TRIM44: variants seen among roughly 807,000 people sequenced by gnomAD.
TRIM44 encodes tripartite motif containing 44, also known as tripartite motif-containing protein 44.
TRIM44 carries 13 observed loss-of-function variants against 37.4 expected under a neutral mutation model. That is an observed-to-expected ratio of 0.35 (90% CI 0.23 to 0.55). TRIM44 has a LOEUF of 0.55. Among genes scored for constraint, TRIM44 ranks in the 20% least tolerant of loss-of-function variants. The pLI is 0.89. For missense variants in TRIM44, 426 were observed against 437.2 expected (o/e 0.97, Z 0.23); for synonymous variants, 175 against 157.2 (o/e 1.11, Z -0.85).
At chr11:35,696,779 G>A (rs1183763025) in intron 2 of TRIM44, among the ~76,000 whole-genome samples, 5 of 151,468 alleles carry the variant, frequency 3.3e-5, no homozygotes, top group Admixed American at 2.0e-4. Context: ...CCCAGGAGGC[G>A]GAGGTTGCGG....
intron 2 of TRIM44, among the ~76,000 whole-genome samples, chr11:35,708,854 A>G (rs943205404): frequency 5.3e-5 from 8 of 152,094 alleles, no homozygotes; most frequent in Non-Finnish European, 1.0e-4. Flanking sequence ...TGGCACATGT[A>G]TACAACTGTA....
intron 4 of TRIM44, among the ~76,000 whole-genome samples, chr11:35,739,248 T>G (rs189483548): frequency 1.3e-5 from 2 of 152,330 alleles, no homozygotes; most frequent in Non-Finnish European, 2.9e-5. Context: ...AACCTCATGA[T>G]ATAGTTATTA....
In TRIM44 at chr11:35,663,157, G is replaced by A; in HGVS notation, c.46G>A (p.Gly16Ser). 2 of 1,552,802 alleles carry A rather than the reference G, an allele frequency of 1.3e-6. No homozygotes were observed. Among genetic ancestry groups the A allele is most frequent in the Non-Finnish European group, 1.7e-6 (2 of 1,150,052 alleles). The change falls in exon 1 of 5, where the codon GGC becomes AGC. Residue 16 changes from glycine (G) to serine (S), a missense_variant. By Grantham distance (56) the Gly-to-Ser change is moderately conservative. Around this residue, in one of 2 missense-constraint regions of TRIM44, gnomAD observed 331 missense variants for 303.0 expected, o/e 1.09. Transcript: ENST00000299413. Reference protein sequence around the residue: ...GAAFEELPHDGTCDECEPDEA... With the variant: ...GAAFEELPHDSTCDECEPDEA... ...GGCCTTCGAGGAACTGCCTCACGAC[G>A]GCACGTGTGACGAGTGCGAGCCCGA...
intron 3 of TRIM44, among the ~76,000 whole-genome samples, chr11:35,730,284 A>C (rs561173557): frequency 6.6e-6 from 1 of 152,244 alleles, no homozygotes; most frequent in Non-Finnish European, 1.5e-5. Flanking sequence ...ATAGATTGAT[A>C]CTGATCCAAT....
chr11:35,798,256 T>C (rs1448669298), intron 4 of TRIM44, among the ~76,000 whole-genome samples: 1 of 152,124 alleles, frequency 6.6e-6, no homozygotes, highest in Non-Finnish European at 1.5e-5. Context: ...AGGGATGACT[T>C]TGTTGTCTGT....
intron 4 of TRIM44, among the ~76,000 whole-genome samples, chr11:35,776,119 G>C (rs886169975): frequency 2.0e-5 from 3 of 152,046 alleles, no homozygotes; most frequent in Non-Finnish European, 4.4e-5. Context: ...TTGGTTGGTA[G>C]GCTCTTAATT....
Position 35,663,534 on chromosome 11 carries a change from C to G in TRIM44, c.423C>G (p.Ala141=). ...TGGAGGATGAGCAAGAAAGCGAGGC[C>G]GAAGAAGACAACCAAGAAGAAGGGG... The part of the protein sequence containing the change: ...EEMEDEQESE[A]EEDNQEEGES... The change falls in exon 1 of 5, where the codon GCC becomes GCG. Residue 141 remains alanine (A), a synonymous_variant. Coordinates refer to ENST00000299413, the MANE Select transcript of TRIM44 (RefSeq NM_017583.6). The G allele has an allele frequency of 1.2e-6, 2 of 1,609,220 alleles. No individual in the cohort carries two copies. The highest frequency in any genetic ancestry group is 1.7e-6 in the Non-Finnish European group (2 of 1,177,646).
Position 35,808,856 on chromosome 11 carries a change from A to G in TRIM44, c.*2471A>G, listed in dbSNP as rs1403860921. On this transcript the variant is annotated 3_prime_UTR_variant, in exon 5 of 5. Transcript: ENST00000299413. The stretch of plus-strand genomic sequence containing the variant: ...CACTACCTTCCCCTAGAGCTGGAGC[A>G]TGCTGCTTGGCCTTAAGCCCCAGCA... 6.6e-6 allele frequency: 1 copy of G among 152,238 alleles called. No homozygotes were observed. The highest frequency in any genetic ancestry group is 2.4e-5 in the African/African-American group (1 of 41,460). The allele number at this position is 152,238 out of a possible 1,614,324, so 9.4% of individuals were successfully genotyped here. A position where few individuals can be genotyped will look rare whatever the true frequency, so the allele number is the denominator to read the frequency against.
At chr11:35,718,418 T>C (rs1331607709) in intron 2 of TRIM44, among the ~76,000 whole-genome samples, 2 of 152,156 alleles carry the variant, frequency 1.3e-5, no homozygotes, top group African/African-American at 4.8e-5. Context: ...ATTTTAAAAA[T>C]AGATATTTTT....
rs1426205197 is a variant in TRIM44 at position 35,809,292 on chromosome 11, A to T, written c.*2907A>T. 6.6e-6 allele frequency: 1 copy of T among 152,198 alleles called. No homozygotes were observed. Among genetic ancestry groups the T allele is most frequent in the Non-Finnish European group, 1.5e-5 (1 of 68,034 alleles). The allele number at this position is 152,198 out of a possible 1,614,324, so 9.4% of individuals were successfully genotyped here. ...TAGGAAATACTCAAGCCAAATCTTG[A>T]ACGCAGCTCCCCCTAATTCTGTGGA... On this transcript the variant is annotated 3_prime_UTR_variant, in exon 5 of 5. Coordinates refer to ENST00000299413, the MANE Select transcript of TRIM44 (RefSeq NM_017583.6).
At chr11:35,685,780 C>T (rs1474214271) in intron 2 of TRIM44, among the ~76,000 whole-genome samples, 1 of 152,224 alleles carries the variant, frequency 6.6e-6, no homozygotes, top group Non-Finnish European at 1.5e-5. Context: ...TCTCCTGCCT[C>T]AGCCTCCTGA....
intron 2 of TRIM44, among the ~76,000 whole-genome samples, chr11:35,725,092 A>ACG (rs1269514211): frequency 6.6e-6 from 1 of 151,832 alleles, no homozygotes; most frequent in East Asian, 1.9e-4. Context: ...ACACACACAC[A>ACG]CACACACACA....
At chr11:35,802,202 A>C (rs1318162065) in intron 4 of TRIM44, among the ~76,000 whole-genome samples, 9 of 152,176 alleles carry the variant, frequency 5.9e-5, no homozygotes, top group Admixed American at 5.9e-4. Flanking sequence ...CACACACCTC[A>C]TGATAACCAC....
At chr11:35,699,485 C>T (rs1851753695) in intron 2 of TRIM44, among the ~76,000 whole-genome samples, 1 of 152,064 alleles carries the variant, frequency 6.6e-6, no homozygotes, top group Non-Finnish European at 1.5e-5. Flanking sequence ...GACAAACCCA[C>T]AGCCAATATC....
chr11:35,721,441 C>G (rs1231682074), intron 2 of TRIM44, among the ~76,000 whole-genome samples: 1 of 152,066 alleles, frequency 6.6e-6, no homozygotes, highest in African/African-American at 2.4e-5. Context: ...ACAGTAACAA[C>G]AGCAATAGTA....
At chr11:35,796,202 G>A (rs2133880699) in intron 4 of TRIM44, among the ~76,000 whole-genome samples, 1 of 152,348 alleles carries the variant, frequency 6.6e-6, no homozygotes, top group Admixed American at 6.5e-5. Context: ...CAAAGCTACT[G>A]AGAACTGTTT....
intron 3 of TRIM44, among the ~76,000 whole-genome samples, chr11:35,730,387 G>C (rs1188242978): frequency 6.6e-6 from 1 of 152,200 alleles, no homozygotes; most frequent in Non-Finnish European, 1.5e-5. Flanking sequence ...CCAGTGTCAA[G>C]AGGGGAAAAA....
chr11:35,802,506 A>T (rs560718977), intron 4 of TRIM44, among the ~76,000 whole-genome samples: 1 of 152,326 alleles, frequency 6.6e-6, no homozygotes, highest in East Asian at 1.9e-4. Context: ...GGTAAGTTTT[A>T]GGAAGCAGTA....
intron 3 of TRIM44, among the ~76,000 whole-genome samples, chr11:35,726,911 G>C (rs1282210174): frequency 6.6e-6 from 1 of 151,882 alleles, no homozygotes; most frequent in Non-Finnish European, 1.5e-5. Flanking sequence ...TGTAATCCCA[G>C]CACTTTGGGA....
Sources: gnomAD v4.1 joint callset for allele counts (sites outside exome capture counted in the v4.1 genomes callset) on GRCh38, gnomAD v4.1.1 for gene constraint, gnomAD v4.1.1 regional missense constraint, MANE v1.5 for transcripts, NCBI Gene and HGNC (gene_info 2026-07-23, HGNC 2026-07-21) for gene names.